Variants in CSPP1 observed in about 807,000 individuals in gnomAD.
CSPP1 encodes centrosome and spindle pole-associated protein 1.
In CSPP1, 126 loss-of-function variants were observed where a neutral mutation model predicts 164.4. That is an observed-to-expected ratio of 0.77 (90% CI 0.66 to 0.89). The LOEUF (loss-of-function observed/expected upper bound fraction) is 0.89. CSPP1 is among the 40% of genes least tolerant of loss of function. The pLI is 0.00. For synonymous variants in CSPP1, 472 were observed against 476.7 expected, an observed-to-expected ratio of 0.99 and a Z score of 0.13; for missense variants, 1,395 against 1,449.8, an observed-to-expected ratio of 0.96 and a Z score of 0.61.
intron 21 of CSPP1, among the ~76,000 whole-genome samples, chr8:67,161,295 G>A (rs1828294716): frequency 6.6e-6 from 1 of 152,060 alleles, no homozygotes; most frequent in African/African-American, 2.4e-5. Flanking sequence ...TGTCTATGTT[G>A]TATTTACAAT....
Position 67,131,945 on chromosome 8 carries a change from A to G in CSPP1, c.1698-6A>G. On this transcript the variant is annotated splice_region_variant and splice_polypyrimidine_tract_variant and intron_variant, in intron 15 of 30. Coordinates refer to ENST00000678616, the MANE Select transcript of CSPP1 (RefSeq NM_001382391.1). ...ATTTAAATTATTTATTGTGTATTTG[A>G]TGTAGGAATACGGTTGGACAGAATG... 2 of 1,589,920 alleles carry G rather than the reference A, an allele frequency of 1.3e-6. No individual in the cohort carries two copies. The highest frequency in any genetic ancestry group is 1.7e-6 in the Non-Finnish European group (2 of 1,168,246).
Position 67,095,441 on chromosome 8 carries a change from G to T in CSPP1, c.632G>T (p.Arg211Leu), listed in dbSNP as rs193231165. 2.8e-4 allele frequency: 458 copies of T among 1,613,322 alleles called. 1 individual carries two copies. The African/African-American group carries it at 5.5e-3, about 20-fold the overall frequency. Residue 211 changes from arginine to leucine, a missense_variant, in exon 7 of 31, where the codon CGA becomes CTA. Coordinates refer to ENST00000678616, the MANE Select transcript of CSPP1 (RefSeq NM_001382391.1). ...TATGAAGAACTTCTGAACCAAAGAC[G>T]ACTAGAGGAGGACAGATACCGACAA... The part of the protein sequence containing the change: ...EAYEELLNQR[R>L]LEEDRYRQLD...
At position 67,116,095 on chromosome 8, in the gene CSPP1, G is replaced by A. The variant is rs1435106729; in HGVS notation, c.1469G>A (p.Ser490Asn). 8.7e-6 allele frequency: 14 copies of A among 1,614,030 alleles called. No homozygotes were observed. The highest frequency in any genetic ancestry group is 1.2e-5 in the Non-Finnish European group (14 of 1,179,902). ...GAAGATTTGCGCAGTGGACTCAGCA[G>A]CGCCCTTGGTGAAATGGTGTCTCCC... ...QNEDLRSGLSSALGEMVSPRI... is the reference protein window; with the variant it reads ...QNEDLRSGLSNALGEMVSPRI... Residue 490 changes from serine (S) to asparagine (N), a missense_variant, in exon 13 of 31, where the codon AGC becomes AAC. Physicochemically the swap from Ser to Asn is conservative, Grantham distance 46. Coordinates refer to ENST00000678616, the MANE Select transcript of CSPP1 (RefSeq NM_001382391.1).
Position 67,154,107 on chromosome 8 carries a change from G to C in CSPP1, c.2212G>C (p.Glu738Gln). 1 of 1,578,356 alleles carries C rather than the reference G, an allele frequency of 6.3e-7. No homozygotes were observed. Among genetic ancestry groups the C allele is most frequent in the Non-Finnish European group, 8.7e-7 (1 of 1,148,938 alleles). The change falls in exon 19 of 31, where the codon GAA becomes CAA. Residue 738 changes from glutamate (E) to glutamine (Q), a missense_variant. Transcript: ENST00000678616. ...PPTELQIKQQ[E>Q]LYKNFLRFQI... ...AACTGAACTTCAGATTAAACAGCAA[G>C]AATTATACAAGAATTTTCTTCGTTT...
chr8:67,115,805 A>T (rs1045539290), intron 12 of CSPP1, 109 bp from the exon 13 acceptor site: 1 of 682,864 alleles, frequency 1.5e-6, no homozygotes, highest in Admixed American at 2.6e-5. Context: ...AAATTCTGTT[A>T]TTCTGTGACT....
intron 5 of CSPP1, 90 bp from the exon 6 acceptor site, chr8:67,093,453 T>C (rs1000388431): frequency 1.4e-6 from 1 of 736,976 alleles, no homozygotes; most frequent in Non-Finnish European, 2.3e-6. Flanking sequence ...CTGATATGTA[T>C]GATTCAGATT....
intron 16 of CSPP1, among the ~76,000 whole-genome samples, chr8:67,132,827 G>T (rs1030802692): frequency 2.6e-5 from 4 of 152,170 alleles, no homozygotes; most frequent in Non-Finnish European, 4.4e-5. Flanking sequence ...TATTTGCAGA[G>T]AATTTAAGAG....
intron 15 of CSPP1, chr8:67,122,969 T>C (rs1047568354): frequency 6.5e-6 from 1 of 152,676 alleles, no homozygotes; most frequent in African/African-American, 2.4e-5. Context: ...AGACCATAGT[T>C]TGCTGTAGCC....
At chr8:67,111,008 A>G (rs1281100033) in intron 9 of CSPP1, among the ~76,000 whole-genome samples, 1 of 152,148 alleles carries the variant, frequency 6.6e-6, no homozygotes, top group African/African-American at 2.4e-5. Flanking sequence ...TGTTACCTCT[A>G]CGGGAGCTTC....
intron 30 of CSPP1, among the ~76,000 whole-genome samples, 168 bp from the exon 31 acceptor site, chr8:67,195,214 T>C (rs1837650115): frequency 6.6e-6 from 1 of 151,966 alleles, no homozygotes. Flanking sequence ...CCCTCTAAAA[T>C]AGGGTGGGGT....
chr8:67,085,911 A>G, intron 3 of CSPP1, 96 bp from the exon 4 acceptor site: 1 of 686,456 alleles, frequency 1.5e-6, no homozygotes, highest in Non-Finnish European at 2.7e-6. Flanking sequence ...TGGAATAAGC[A>G]TAATTCTGTT....
chr8:67,160,176 C>T (rs1327364304), intron 21 of CSPP1, among the ~76,000 whole-genome samples: 1 of 150,044 alleles, frequency 6.7e-6, no homozygotes, highest in Non-Finnish European at 1.5e-5. Context: ...GCCACCACAC[C>T]CTGCCTCACA....
At chr8:67,152,186 T>A (rs1456579342) in intron 18 of CSPP1, among the ~76,000 whole-genome samples, 1 of 151,970 alleles carries the variant, frequency 6.6e-6, no homozygotes, top group Non-Finnish European at 1.5e-5. Context: ...GCCATATATA[T>A]GTGTATGAGT....
rs576183784 is a variant in CSPP1, at chr8:67,114,339, TACTC to T, written c.1259_1262del (p.Leu420HisfsTer5). The T allele has an allele frequency of 5.9e-5, 9 of 152,826 alleles. No homozygotes were observed. Among genetic ancestry groups the T allele is most frequent in the African/African-American group, 1.9e-4 (8 of 41,580 alleles). The allele number at this position is 152,826 out of a possible 1,614,324, so 9.5% of individuals were successfully genotyped here. A position where few individuals can be genotyped will look rare whatever the true frequency, so the allele number is the denominator to read the frequency against. On this transcript the variant is annotated frameshift_variant, in exon 12 of 31. Transcript: ENST00000678616. LOFTEE classifies it high-confidence loss of function. ...ATTCTCATCATTAAGTGGAATGAATTACTCACATCATTGCAGTTAAGTAAGGAGG... is the reference window on the plus strand; with the variant it reads ...ATTCTCATCATTAAGTGGAATGAATTACATCATTGCAGTTAAGTAAGGAGG...
chr8:67,064,467 G>A lies in CSPP1; in HGVS notation c.-82G>A, dbSNP rs778940690. On this transcript the variant is annotated 5_prime_UTR_variant, in exon 1 of 31. Transcript: ENST00000678616. ...GCGACGATCCTCTAGAGCACTGTGTGTCTCCCCGGACGCGAGCCCGCTCCC... is the reference window on the plus strand; with the variant it reads ...GCGACGATCCTCTAGAGCACTGTGTATCTCCCCGGACGCGAGCCCGCTCCC... 3 of 1,613,836 alleles carry A rather than the reference G, an allele frequency of 1.9e-6. No homozygotes were observed. Among genetic ancestry groups the A allele is most frequent in the South Asian group, 1.1e-5 (1 of 91,084 alleles).
intron 4 of CSPP1, among the ~76,000 whole-genome samples, chr8:67,086,477 C>G (rs993558515): frequency 9.2e-5 from 14 of 152,006 alleles, no homozygotes; most frequent in Admixed American, 4.6e-4. Flanking sequence ...ATATGGAGTT[C>G]TAGTTGCTAA....
intron 25 of CSPP1, 143 bp downstream of exon 25, chr8:67,172,698 T>G: frequency 1.4e-6 from 1 of 710,522 alleles, no homozygotes; most frequent in South Asian, 2.4e-5. Flanking sequence ...GAAACTTATG[T>G]ATTCTCTAGG....
chr8:67,195,784 A>T lies in CSPP1; in HGVS notation c.*191A>T. ...GGCCATGATTATTGATTTATATAAT[A>T]GAATTGTATAGATTATTTTTGCACA... On this transcript the variant is annotated 3_prime_UTR_variant, in exon 31 of 31. Coordinates refer to ENST00000678616, the MANE Select transcript of CSPP1 (RefSeq NM_001382391.1). 1.8e-6 allele frequency: 1 copy of T among 561,966 alleles called. No individual in the cohort carries two copies. The allele number at this position is 561,966 out of a possible 1,614,324, so 34.8% of individuals were successfully genotyped here. A position where few individuals can be genotyped will look rare whatever the true frequency, so the allele number is the denominator to read the frequency against.
In CSPP1 at chr8:67,075,216, C is replaced by CCTA. The variant is rs1807660303; in HGVS notation, c.99+865_99+866insCTA. Among the ~76,000 whole-genome samples the CCTA allele has an allele frequency of 2.0e-5, 3 of 152,202 alleles. No homozygotes were observed. In the South Asian group the frequency reaches 6.2e-4, roughly 31 times the overall value. ...TATGCTAAGCTCTGAGAATGCAGCA[C>CCTA]TGATTAGAGTGTTGTGGCACCTTCT... On this transcript the variant is annotated intron_variant, in intron 2 of 30. Transcript: ENST00000678616.
Sources: gnomAD v4.1 joint callset for allele counts (sites outside exome capture counted in the v4.1 genomes callset) on GRCh38, gnomAD v4.1.1 for gene constraint, MANE v1.5 for transcripts, NCBI Gene and HGNC (gene_info 2026-07-23, HGNC 2026-07-21) for gene names.